TOM1L1: variants seen among roughly 807,000 people sequenced by gnomAD.
The protein encoded by TOM1L1 is target of myb1 like 1 membrane trafficking protein.
A neutral mutation model predicts 63.4 loss-of-function variants in TOM1L1; 64 were observed. The observed-to-expected ratio is 1.01, with a 90% CI of 0.83 to 1.24. TOM1L1 has a LOEUF of 1.24. Ranked by LOEUF, TOM1L1 falls within the 50% of genes most tolerant of loss-of-function variation. The probability of loss-of-function intolerance (pLI) is 0.00; values close to 1 mark genes in which losing one functional copy is unlikely to be tolerated. For missense variants in TOM1L1, 536 were observed against 567.0 expected (o/e 0.95, Z 0.55); for synonymous variants, 166 against 194.4 (o/e 0.85, Z 1.22).
chr17:54,911,178 C>G (rs1449222996), intron 3 of TOM1L1, among the ~76,000 whole-genome samples: 1 of 152,204 alleles, frequency 6.6e-6, no homozygotes, highest in African/African-American at 2.4e-5. Context: ...AGACCATCTT[C>G]TTAACTGTAT....
At chr17:54,939,810 G>T (rs577385368) in intron 11 of TOM1L1, among the ~76,000 whole-genome samples, 5 of 152,152 alleles carry the variant, frequency 3.3e-5, no homozygotes, top group African/African-American at 9.6e-5. Flanking sequence ...TGATCCTCCC[G>T]CCTTGGCCTC....
rs377182495 is a variant in TOM1L1, at chr17:54,912,740, G to T, written c.297G>T (p.Glu99Asp). The T allele has an allele frequency of 6.2e-6, 10 of 1,611,586 alleles. No individual in the cohort carries two copies. The highest frequency in any genetic ancestry group is 1.1e-5 in the South Asian group (1 of 90,508). ...TTGTGAAGAAGGAATTTGTTAAAGA[G>T]AATTTAGTTAAGCTACTGAATCCCA... Reference protein sequence around the residue: ...SLIVKKEFVKENLVKLLNPRY... With the variant: ...SLIVKKEFVKDNLVKLLNPRY... Residue 99 changes from glutamate (E) to aspartate (D), a missense_variant, in exon 4 of 16, where the codon GAG becomes GAT. Physicochemically the swap from Glu to Asp is conservative, Grantham distance 45 (BLOSUM62 2). Coordinates refer to ENST00000575882, the MANE Select transcript of TOM1L1 (RefSeq NM_005486.3).
intron 15 of TOM1L1, 187 bp from the exon 16 acceptor site, chr17:54,961,048 G>T: frequency 1.7e-6 from 1 of 598,446 alleles, no homozygotes; most frequent in Non-Finnish European, 2.9e-6. Context: ...ACTATTTAAT[G>T]GTCACCAATG....
chr17:54,914,764 A>G, intron 6 of TOM1L1, 21 bp downstream of exon 6: 1 of 1,549,890 alleles, frequency 6.5e-7, no homozygotes. Flanking sequence ...CAATCATTGC[A>G]TTTAATTGAT....
Position 54,942,742 on chromosome 17 carries a change from A to G in TOM1L1, c.1130+3722A>G, listed in dbSNP as rs564170074. On this transcript the variant is annotated intron_variant, in intron 11 of 15. Coordinates refer to ENST00000575882, the MANE Select transcript of TOM1L1 (RefSeq NM_005486.3). ...GGTGTACAGTTTTATTTATTTTAACATACGTATAGATTCAAATAACTACCC... is the reference window on the plus strand; with the variant it reads ...GGTGTACAGTTTTATTTATTTTAACGTACGTATAGATTCAAATAACTACCC... 9.2e-5 allele frequency among the ~76,000 whole-genome samples: 14 copies of G among 152,286 alleles called. No homozygotes were observed. The East Asian group carries it at 2.7e-3, about 29-fold the overall frequency.
At chr17:54,902,702 G>A in intron 1 of TOM1L1, among the ~76,000 whole-genome samples, 1 of 152,218 alleles carries the variant, frequency 6.6e-6, no homozygotes, top group Non-Finnish European at 1.5e-5. Flanking sequence ...ATTTCCCCCA[G>A]AACCCGGTGT....
At chr17:54,956,857 G>C (rs960107247) in intron 14 of TOM1L1, 1 of 152,290 alleles carries the variant, frequency 6.6e-6, no homozygotes, top group East Asian at 1.9e-4. Context: ...AGAGAGGGAA[G>C]AGGGTATGTC....
intron 7 of TOM1L1, among the ~76,000 whole-genome samples, chr17:54,923,270 C>T (rs1367018193): frequency 3.3e-5 from 5 of 151,980 alleles, no homozygotes; most frequent in African/African-American, 9.7e-5. Flanking sequence ...ATTGCTGGGT[C>T]GTATAGTAAC....
At chr17:54,949,158 C>G (rs1469793352) in intron 12 of TOM1L1, among the ~76,000 whole-genome samples, 1 of 150,960 alleles carries the variant, frequency 6.6e-6, no homozygotes, top group Non-Finnish European at 1.5e-5. Flanking sequence ...CTGCCTTGGT[C>G]TCTGGGGTAG....
chr17:54,948,542 C>T (rs935851800), intron 12 of TOM1L1, among the ~76,000 whole-genome samples: 1 of 152,126 alleles, frequency 6.6e-6, no homozygotes, highest in East Asian at 1.9e-4. Flanking sequence ...GCTTAAACGT[C>T]CCCAGTGATG....
At chr17:54,932,178 G>C (rs550902048) in intron 8 of TOM1L1, among the ~76,000 whole-genome samples, 1 of 152,040 alleles carries the variant, frequency 6.6e-6, no homozygotes, top group Non-Finnish European at 1.5e-5. Flanking sequence ...ATCAAGAGCC[G>C]AGCTCCCCGA....
At chr17:54,902,051 G>A (rs553276122) in intron 1 of TOM1L1, among the ~76,000 whole-genome samples, 2 of 152,258 alleles carry the variant, frequency 1.3e-5, no homozygotes, top group East Asian at 3.9e-4. Flanking sequence ...CCTGGATCAG[G>A]CACTGGTGAG....
intron 7 of TOM1L1, among the ~76,000 whole-genome samples, chr17:54,925,910 A>AACAAC (rs2048760835): frequency 7.1e-6 from 1 of 141,422 alleles, no homozygotes; most frequent in Non-Finnish European, 1.6e-5. Flanking sequence ...CTCAAACAAA[A>AACAAC]AACAACAACA....
intron 8 of TOM1L1, among the ~76,000 whole-genome samples, chr17:54,933,703 A>G (rs2048901579): frequency 6.6e-6 from 1 of 152,230 alleles, no homozygotes; most frequent in East Asian, 1.9e-4. Context: ...TTGTATTTTT[A>G]GTAGAGACGG....
At chr17:54,924,370 C>T (rs546209606) in intron 7 of TOM1L1, among the ~76,000 whole-genome samples, 1 of 151,592 alleles carries the variant, frequency 6.6e-6, no homozygotes, top group South Asian at 2.1e-4. Context: ...ACCTCCGCCT[C>T]CCATGTTCAA....
At chr17:54,924,374 T>C (rs759922800) in intron 7 of TOM1L1, among the ~76,000 whole-genome samples, 10 of 150,924 alleles carry the variant, frequency 6.6e-5, no homozygotes, top group Non-Finnish European at 1.3e-4. Flanking sequence ...CCGCCTCCCA[T>C]GTTCAAGTGA....
At chr17:54,916,807 T>A (rs1439931410) in intron 7 of TOM1L1, 1 of 152,182 alleles carries the variant, frequency 6.6e-6, no homozygotes, top group Non-Finnish European at 1.5e-5. Context: ...TGTTTTTTCC[T>A]TGCTGCAGTA....
chr17:54,940,446 CATTT>C (rs1321886945), intron 11 of TOM1L1, among the ~76,000 whole-genome samples: 3 of 152,140 alleles, frequency 2.0e-5, no homozygotes, highest in Non-Finnish European at 2.9e-5. Context: ...ATTATAAATG[CATTT>C]ATTTCTTTGA....
intron 13 of TOM1L1, 82 bp from the exon 14 acceptor site, chr17:54,949,963 G>A: frequency 8.9e-7 from 1 of 1,117,428 alleles, no homozygotes; most frequent in South Asian, 1.4e-5. Context: ...AATATTTGAA[G>A]TCTAAATTAT....
Sources: gnomAD v4.1 joint callset for allele counts (sites outside exome capture counted in the v4.1 genomes callset) on GRCh38, gnomAD v4.1.1 for gene constraint, MANE v1.5 for transcripts, NCBI Gene and HGNC (gene_info 2026-07-23, HGNC 2026-07-21) for gene names.